The following SYNPO variants were observed in gnomAD, a reference collection of about 807,000 sequenced individuals.
The protein encoded by SYNPO is synaptopodin.
A neutral mutation model predicts 49.5 loss-of-function variants in SYNPO; 19 were observed. The observed-to-expected ratio is 0.38, with a 90% confidence interval of 0.27 to 0.56. SYNPO has a LOEUF of 0.56. SYNPO is among the 20% of genes least tolerant of loss of function. SYNPO has a pLI of 0.68. For synonymous variants in SYNPO, 536 were observed against 548.0 expected, an observed-to-expected ratio of 0.98 and a Z score of 0.31; for missense variants, 1,131 against 1,248.3, an observed-to-expected ratio of 0.91 and a Z score of 1.42.
exon 2 of SYNPO, chr5:150,618,746 C>T: frequency 1.9e-6 from 3 of 1,551,218 alleles, no homozygotes; most frequent in Non-Finnish European, 2.6e-6. Flanking sequence ...TGGCCCTGGG[C>T]CCAGAGTGGC....
upstream of SYNPO, among the ~76,000 whole-genome samples, chr5:150,598,231 C>T (rs1756458682): frequency 1.3e-5 from 2 of 152,122 alleles, no homozygotes; most frequent in Admixed American, 6.5e-5. Flanking sequence ...CAAATGTTCA[C>T]GAATGCCAAT....
rs1326432316 is a variant in SYNPO, at chr5:150,618,665, C to G, written c.298C>G (p.His100Asp). The G allele has an allele frequency of 6.4e-6, 10 of 1,551,210 alleles. No individual in the cohort carries two copies. The South Asian group carries it at 1.2e-4, about 18-fold the overall frequency. ...CAGAGAGGAACAAGGGGCGTCCCAG[C>G]ACGACGACAGGGCCAGCCAGGACTG... is the stretch of plus-strand genomic sequence containing the variant. Residue 100 changes from histidine to aspartate, a missense_variant, in exon 2 of 3, where the codon CAC becomes GAC. Physicochemically the swap from His to Asp is moderately conservative, Grantham distance 81 (BLOSUM62 -1). Coordinates refer to the SYNPO transcript ENST00000394243.
At chr5:150,597,292 A>C (rs900177783), upstream of SYNPO, among the ~76,000 whole-genome samples, 4 of 152,194 alleles carry the variant, frequency 2.6e-5, no homozygotes, top group African/African-American at 9.7e-5. Flanking sequence ...TGCTGTGCTG[A>C]TTGAGTGTCC....
the SYNPO span, among the ~76,000 whole-genome samples, chr5:150,593,613 C>A: frequency 1.3e-5 from 2 of 152,148 alleles, no homozygotes; most frequent in Non-Finnish European, 2.9e-5. Context: ...AGGCGTTCAC[C>A]ACCACACTGG....
At chr5:150,623,571 C>A (rs1757248652) in intron 2 of SYNPO, among the ~76,000 whole-genome samples, 1 of 151,928 alleles carries the variant, frequency 6.6e-6, no homozygotes, top group Admixed American at 6.6e-5. Context: ...GAGAGCAGAG[C>A]AGCCACACGA....
intron 1 of SYNPO, among the ~76,000 whole-genome samples, chr5:150,644,537 CTCTG>C (rs1377097833): frequency 6.6e-6 from 1 of 152,206 alleles, no homozygotes; most frequent in Non-Finnish European, 1.5e-5. Context: ...AGCATGAGCC[CTCTG>C]TCTGTCCACC....
intron 2 of SYNPO, chr5:150,653,840 G>C (rs992129456): frequency 6.6e-6 from 1 of 152,220 alleles, no homozygotes; most frequent in South Asian, 2.1e-4. Context: ...ATGACTGGGA[G>C]CTTGGATGTC....
At chr5:150,650,801 G>A (rs968115735) in intron 2 of SYNPO, 22 of 1,288,634 alleles carry the variant, frequency 1.7e-5, no homozygotes, top group Middle Eastern at 6.0e-4. Flanking sequence ...CCCTCCTGAG[G>A]CTCAAGCTCC....
chr5:150,598,369 G>A (rs999052277), upstream of SYNPO, among the ~76,000 whole-genome samples: 2 of 152,246 alleles, frequency 1.3e-5, no homozygotes, highest in Non-Finnish European at 2.9e-5. Flanking sequence ...AGTCTGTGCT[G>A]CCGTGAAGGG....
chr5:150,645,728 G>A (rs1758066564), intron 1 of SYNPO, among the ~76,000 whole-genome samples: 1 of 152,134 alleles, frequency 6.6e-6, no homozygotes, highest in South Asian at 2.1e-4. Flanking sequence ...TGTCACCCTT[G>A]GCTTTGCAAC....
chr5:150,653,800 A>C (rs1011855710), intron 2 of SYNPO: 2 of 152,224 alleles, frequency 1.3e-5, no homozygotes, highest in Non-Finnish European at 2.9e-5. Flanking sequence ...AAACAGTGGG[A>C]TCCCAGGCTG....
chr5:150,594,633 G>A, the SYNPO span, among the ~76,000 whole-genome samples: 2 of 152,134 alleles, frequency 1.3e-5, no homozygotes, highest in African/African-American at 2.4e-5. Context: ...AAGCTCTCCC[G>A]GGCCTCACAT....
chr5:150,598,104 G>A (rs1162645140), upstream of SYNPO, among the ~76,000 whole-genome samples: 2 of 152,034 alleles, frequency 1.3e-5, no homozygotes, highest in African/African-American at 4.8e-5. Context: ...GCAACACATC[G>A]TGGTCACGGG....
chr5:150,624,896 C>A (rs1277288112), intron 2 of SYNPO: 1 of 985,372 alleles, frequency 1.0e-6, no homozygotes, highest in Non-Finnish European at 1.2e-6. Flanking sequence ...GGACCGTGCG[C>A]AGCGGCTGGA....
intron 2 of SYNPO, among the ~76,000 whole-genome samples, chr5:150,634,561 G>A (rs1435255818): frequency 2.0e-5 from 3 of 152,076 alleles, no homozygotes; most frequent in Non-Finnish European, 2.9e-5. Flanking sequence ...GCTTATGCTT[G>A]TAATCCCAAC....
upstream of SYNPO, among the ~76,000 whole-genome samples, chr5:150,637,224 G>A (rs1757745921): frequency 1.3e-5 from 2 of 152,260 alleles, no homozygotes; most frequent in South Asian, 4.1e-4. Context: ...GAGCGGGCAG[G>A]CTGAATGGAT....
chr5:150,635,505 C>T (rs1757686693), intron 2 of SYNPO, among the ~76,000 whole-genome samples: 1 of 152,194 alleles, frequency 6.6e-6, no homozygotes, highest in South Asian at 2.1e-4. Context: ...GTCTTGCTCT[C>T]TTGCCCAGGC....
In SYNPO at chr5:150,656,428, TC is replaced by T. The variant is rs1413823247; in HGVS notation, c.2057del (p.Pro686HisfsTer14). On this transcript the variant is annotated frameshift_variant, in exon 3 of 3. Coordinates refer to ENST00000307662, the MANE Select transcript of SYNPO (RefSeq NM_007286.6). LOFTEE classifies it high-confidence loss of function. ...GGACCGCCGGGAGAGCCTGCCCACC[TC>T]CCCACCCTGGACGCCGGGCGCGTCC... The part of the protein sequence containing the change: ...AQDRRESLPT[S>X]PPWTPGASRP... 1 of 1,529,484 alleles carries T rather than the reference TC, an allele frequency of 6.5e-7. No individual in the cohort carries two copies. Among genetic ancestry groups the T allele is most frequent in the Non-Finnish European group, 8.7e-7 (1 of 1,144,494 alleles). 94.7% of individuals were successfully genotyped at this position (1,529,484 alleles called of 1,614,324 possible). A position where few individuals can be genotyped will look rare whatever the true frequency, so the allele number is the denominator to read the frequency against.
rs915500817 is a variant in SYNPO, at chr5:150,657,158, G to C, written c.*71G>C. 11 of 1,475,236 alleles carry C rather than the reference G, an allele frequency of 7.5e-6. No individual in the cohort carries two copies. The highest frequency in any genetic ancestry group is 2.4e-4 in the Middle Eastern group (1 of 4,168). 91.4% of individuals were successfully genotyped at this position (1,475,236 alleles called of 1,614,324 possible). On this transcript the variant is annotated 3_prime_UTR_variant, in exon 3 of 3. Coordinates refer to ENST00000307662, the MANE Select transcript of SYNPO (RefSeq NM_007286.6). Reference sequence around the variant, plus strand: ...GCTCATTAGACCTGGGGGACCCAAAGGGTCTGGCCTCTTTGGGCAGCCCCA... The same window carrying C: ...GCTCATTAGACCTGGGGGACCCAAACGGTCTGGCCTCTTTGGGCAGCCCCA...
Sources: allele counts gnomAD v4.1 joint callset (sites outside exome capture counted in the v4.1 genomes callset), GRCh38; gene constraint gnomAD v4.1.1; transcripts MANE v1.5; gene names NCBI Gene and HGNC (gene_info 2026-07-23, HGNC 2026-07-21).